RNF41: variants seen among roughly 807,000 people sequenced by gnomAD.
RNF41 encodes the protein ring finger protein 41, also known as E3 ubiquitin-protein ligase NRDP1.
Under a neutral mutation model 33.0 loss-of-function variants are expected in RNF41, and 4 were observed. The ratio of observed to expected loss-of-function variants is 0.12; its 90% CI spans 0.06 to 0.28. The LOEUF (loss-of-function observed/expected upper bound fraction) is 0.28. Among genes scored for constraint, RNF41 ranks in the 10% least tolerant of loss-of-function variants. The pLI is 1.00. For missense variants in RNF41, 228 were observed against 432.6 expected (o/e 0.53, Z 4.19); for synonymous variants, 164 against 153.2 (o/e 1.07, Z -0.52).
At chr12:56,207,860 T>C (rs1868303569) in intron 5 of RNF41, 111 bp from the exon 6 acceptor site, 1 of 900,228 alleles carries the variant, frequency 1.1e-6, no homozygotes, top group Non-Finnish European at 1.9e-6. Context: ...AACCAGTTTG[T>C]AAGCTTCAGG....
At chr12:56,219,384 A>G (rs1232190876) in intron 1 of RNF41, among the ~76,000 whole-genome samples, 2 of 150,464 alleles carry the variant, frequency 1.3e-5, no homozygotes, top group Non-Finnish European at 3.0e-5. Context: ...TTTAGTAGAG[A>G]CAGGGTTTCA....
rs1868269643 is a variant in RNF41 at position 56,206,626 on chromosome 12, G to A, written c.775C>T (p.Leu259=). The change falls in exon 7 of 7, where the codon CTG becomes TTG. Residue 259 remains leucine, a synonymous_variant. Coordinates refer to ENST00000345093, the MANE Select transcript of RNF41 (RefSeq NM_005785.4). The surrounding 1 kb of genome is among the most constrained non-coding windows in gnomAD (Gnocchi z 5.7). ...ATCTGTCTAGTCTCTAGTGTGGCCA[G>A]ACCCTGGGGCCAGCTACGCTCGTGG... ...NAHERSWPQG[L]ATLETRQMNR... 9 of 1,614,160 alleles carry A rather than the reference G, an allele frequency of 5.6e-6. No homozygotes were observed. Among genetic ancestry groups the A allele is most frequent in the Non-Finnish European group, 7.6e-6 (9 of 1,180,018 alleles).
At chr12:56,211,199 C>T (rs2135805470) in intron 3 of RNF41, among the ~76,000 whole-genome samples, 1 of 151,844 alleles carries the variant, frequency 6.6e-6, no homozygotes, top group Non-Finnish European at 1.5e-5. Flanking sequence ...GGCCTGGTGG[C>T]ACGTGCCTAT....
At chr12:56,216,391 T>A (rs1245489680) in intron 2 of RNF41, 38 bp downstream of exon 2, 2 of 152,192 alleles carry the variant, frequency 1.3e-5, no homozygotes, top group African/African-American at 4.8e-5. Flanking sequence ...AGAAGAGGGT[T>A]GAGGCCTGGA....
intron 1 of RNF41, among the ~76,000 whole-genome samples, chr12:56,217,951 A>G (rs956252180): frequency 1.3e-5 from 2 of 150,710 alleles, no homozygotes; most frequent in African/African-American, 5.0e-5. Context: ...GTGCTTTCAC[A>G]TAAATTATTA....
chr12:56,216,874 C>T (rs1343043092), intron 1 of RNF41, among the ~76,000 whole-genome samples: 2 of 152,188 alleles, frequency 1.3e-5, no homozygotes, highest in East Asian at 1.9e-4. Context: ...GGCGTGGTGG[C>T]TCACGCCTGT....
At chr12:56,220,008 C>A (rs535514577) in intron 1 of RNF41, among the ~76,000 whole-genome samples, 1 of 140,718 alleles carries the variant, frequency 7.1e-6, no homozygotes, top group Admixed American at 7.9e-5. Context: ...CAGAGTGAGA[C>A]CCTGTCTCAA....
At chr12:56,210,229 G>C (rs953764267) in intron 4 of RNF41, 68 bp downstream of exon 4, 1 of 1,544,602 alleles carries the variant, frequency 6.5e-7, no homozygotes, top group East Asian at 2.3e-5. Context: ...AGTGAGGAGG[G>C]CAGCCAGAGA....
chr12:56,209,897 C>T (rs1868364179), intron 4 of RNF41: 3 of 227,164 alleles, frequency 1.3e-5, no homozygotes, highest in Non-Finnish European at 2.7e-5. Context: ...AGCTAACATG[C>T]CCTTCAGCTA....
chr12:56,218,714 T>A (rs539792567), intron 1 of RNF41, among the ~76,000 whole-genome samples: 1 of 148,134 alleles, frequency 6.8e-6, no homozygotes, highest in Admixed American at 6.8e-5. Flanking sequence ...TATATGTTAT[T>A]TTTTTTTTGA....
chr12:56,208,339 C>G (rs770067486), intron 4 of RNF41, 41 bp from the exon 5 acceptor site: 3 of 1,607,426 alleles, frequency 1.9e-6, no homozygotes, highest in Non-Finnish European at 2.6e-6. Context: ...AGAGGTGATC[C>G]CTGGGACATG....
intron 6 of RNF41, chr12:56,207,223 C>G: frequency 7.5e-7 from 1 of 1,327,592 alleles, no homozygotes; most frequent in Non-Finnish European, 9.9e-7. Flanking sequence ...TTAGACTTCA[C>G]TTGTATACTT....
chr12:56,204,163 A>G lies in RNF41; in HGVS notation c.*2284T>C, dbSNP rs1878729730. On this transcript the variant is annotated 3_prime_UTR_variant, in exon 7 of 7. Coordinates refer to ENST00000345093, the MANE Select transcript of RNF41 (RefSeq NM_005785.4). ...AGCAAAGTTGCTTGTGGGACAAAGGAAAAAGATATATACATATCTTCTGTA... is the reference window on the plus strand; with the variant it reads ...AGCAAAGTTGCTTGTGGGACAAAGGGAAAAGATATATACATATCTTCTGTA... The G allele has an allele frequency of 6.6e-6, 1 of 152,224 alleles. No homozygotes were observed. Among genetic ancestry groups the G allele is most frequent in the Admixed American group, 6.5e-5 (1 of 15,288 alleles). The allele number at this position is 152,224 out of a possible 1,614,324, so 9.4% of individuals were successfully genotyped here.
Position 56,205,231 on chromosome 12 carries a change from T to G in RNF41, c.*1216A>C, listed in dbSNP as rs758210466. On this transcript the variant is annotated 3_prime_UTR_variant, in exon 7 of 7. Transcript: ENST00000345093. The stretch of plus-strand genomic sequence containing the variant: ...TTTTTCCAGAGGGCACAGGCATCGA[T>G]GCTGGACTGTCATATCCTTCACAGG... 1.3e-5 allele frequency: 2 copies of G among 152,234 alleles called. No homozygotes were observed. Among genetic ancestry groups the G allele is most frequent in the Non-Finnish European group, 2.9e-5 (2 of 68,070 alleles). 9.4% of individuals were successfully genotyped at this position (152,234 alleles called of 1,614,324 possible). A position where few individuals can be genotyped will look rare whatever the true frequency, so the allele number is the denominator to read the frequency against.
At position 56,206,311 on chromosome 12, in the gene RNF41, T is replaced by C. The variant is rs79016664; in HGVS notation, c.*136A>G. ...AGCAAACTACCCCAAGGCCCTTCAG[T>C]GCCAGAAGGGCAGGGAGATGTGTGG... is the stretch of plus-strand genomic sequence containing the variant. On this transcript the variant is annotated 3_prime_UTR_variant, in exon 7 of 7. Transcript: ENST00000345093. This position sits in a 1 kb window ranked among gnomAD's most constrained non-coding sequence, Gnocchi z 5.7. 1.1e-3 allele frequency: 849 copies of C among 789,450 alleles called. 1 individual carries two copies. The highest frequency in any genetic ancestry group is 1.5e-3 in the Non-Finnish European group (741 of 487,074). The allele number at this position is 789,450 out of a possible 1,614,324, so 48.9% of individuals were successfully genotyped here.
chr12:56,213,700 T>A (rs950808782), intron 3 of RNF41, among the ~76,000 whole-genome samples: 3 of 152,128 alleles, frequency 2.0e-5, no homozygotes, highest in African/African-American at 7.2e-5. Flanking sequence ...AGCAGCTGAC[T>A]GTTTTACAGG....
intron 6 of RNF41, chr12:56,207,068 AAC>A (rs1324715659): frequency 2.2e-6 from 3 of 1,344,796 alleles, no homozygotes; most frequent in Middle Eastern, 2.8e-4. Context: ...TATAGCGCCT[AAC>A]ACAGTTAGTG....
At chr12:56,219,433 G>C (rs1240456294) in intron 1 of RNF41, among the ~76,000 whole-genome samples, 2 of 151,140 alleles carry the variant, frequency 1.3e-5, no homozygotes, top group Non-Finnish European at 2.9e-5. Flanking sequence ...CTGACCTCGT[G>C]ATCTGCCTGC....
chr12:56,212,759 C>T (rs574715937), intron 3 of RNF41, among the ~76,000 whole-genome samples: 1 of 152,022 alleles, frequency 6.6e-6, no homozygotes, highest in East Asian at 1.9e-4. Context: ...TGGAGTAGTA[C>T]TGGGAGAAAA....
Sources: allele counts gnomAD v4.1 joint callset (sites outside exome capture counted in the v4.1 genomes callset), GRCh38; gene constraint gnomAD v4.1.1; non-coding constraint Gnocchi (gnomAD v3.1); transcripts MANE v1.5; gene names NCBI Gene and HGNC (gene_info 2026-07-23, HGNC 2026-07-21).